Variants in CREB3L1 observed in about 807,000 individuals in gnomAD.
CREB3L1 encodes the protein cAMP responsive element binding protein 3 like 1.
A neutral mutation model predicts 54.5 loss-of-function variants in CREB3L1; 33 were observed. The observed-to-expected ratio is 0.61, with a 90% CI of 0.46 to 0.81. CREB3L1 has a LOEUF of 0.81. Among genes scored for constraint, CREB3L1 ranks in the 30% least tolerant of loss-of-function variants. CREB3L1 has a pLI of 0.00. For synonymous variants in CREB3L1, 284 were observed against 286.4 expected (o/e 0.99, Z 0.08); for missense variants, 656 against 673.3 (o/e 0.97, Z 0.29).
chr11:46,317,454 C>T lies in CREB3L1; in HGVS notation c.1225C>T (p.Leu409=). 2 of 1,612,756 alleles carry T rather than the reference C, an allele frequency of 1.2e-6. No homozygotes were observed. Among genetic ancestry groups the T allele is most frequent in the Non-Finnish European group, 1.7e-6 (2 of 1,179,842 alleles). ...SGSQTVKEDP[L]AADGVYTASQ... Reference sequence around the variant, plus strand: ...CTCCCAGACTGTGAAGGAAGACCCCCTGGCCGCAGACGGCGTCTACACGGC... The same window carrying T: ...CTCCCAGACTGTGAAGGAAGACCCCTTGGCCGCAGACGGCGTCTACACGGC... Residue 409 remains leucine, a synonymous_variant, in exon 10 of 12, where the codon CTG becomes TTG. Coordinates refer to ENST00000621158, the MANE Select transcript of CREB3L1 (RefSeq NM_052854.4).
rs899542624 is a variant in CREB3L1, at chr11:46,295,981, G to A, written c.103-3954G>A. On this transcript the variant is annotated intron_variant, in intron 1 of 11. Transcript: ENST00000621158. This position sits in a 1 kb window ranked among gnomAD's most constrained non-coding sequence, Gnocchi z 4.6. ...GACTATAGGAAAAAGTCTTTAACGAGGAGGGAAACAAATCATAATATGTCC... is the reference window on the plus strand; with the variant it reads ...GACTATAGGAAAAAGTCTTTAACGAAGAGGGAAACAAATCATAATATGTCC... 1.1e-4 allele frequency among the ~76,000 whole-genome samples: 16 copies of A among 152,222 alleles called. No individual in the cohort carries two copies. The highest frequency in any genetic ancestry group is 3.9e-4 in the Admixed American group (6 of 15,290).
chr11:46,312,991 T>A, intron 8 of CREB3L1, 72 bp downstream of exon 8: 1 of 1,161,314 alleles, frequency 8.6e-7, no homozygotes, highest in Non-Finnish European at 1.2e-6. Context: ...TGCATAGCTC[T>A]GGGAGACAGG....
Position 46,320,878 on chromosome 11 carries a change from C to T in CREB3L1, c.*132C>T. 2 of 958,600 alleles carry T rather than the reference C, an allele frequency of 2.1e-6. No individual in the cohort carries two copies. Among genetic ancestry groups the T allele is most frequent in the Non-Finnish European group, 3.3e-6 (2 of 607,138 alleles). 59.4% of individuals were successfully genotyped at this position (958,600 alleles called of 1,614,324 possible). A position where few individuals can be genotyped will look rare whatever the true frequency, so the allele number is the denominator to read the frequency against. ...TTCCAGGAGAAAAGGCTCCACTTCC[C>T]AGCCCTTCCTTGCCCCTGACATTTG... is the stretch of plus-strand genomic sequence containing the variant. On this transcript the variant is annotated 3_prime_UTR_variant, in exon 12 of 12. Coordinates refer to ENST00000621158, the MANE Select transcript of CREB3L1 (RefSeq NM_052854.4).
intron 1 of CREB3L1, among the ~76,000 whole-genome samples, chr11:46,292,055 TTC>T (rs1939138348): frequency 6.6e-6 from 1 of 152,140 alleles, no homozygotes; most frequent in Non-Finnish European, 1.5e-5. Flanking sequence ...GGCCACTGTG[TTC>T]TGTTTATACC....
chr11:46,286,225 G>A (rs947514773), intron 1 of CREB3L1, among the ~76,000 whole-genome samples: 4 of 152,162 alleles, frequency 2.6e-5, no homozygotes, highest in African/African-American at 4.8e-5. Context: ...GGGTGGGGAC[G>A]ATAGAGGAAT....
At chr11:46,281,681 C>T (rs1430603794) in intron 1 of CREB3L1, among the ~76,000 whole-genome samples, 1 of 152,190 alleles carries the variant, frequency 6.6e-6, no homozygotes, top group African/African-American at 2.4e-5. Context: ...CCTGGCTTCT[C>T]CTGAGCTAAC....
At chr11:46,289,805 A>C (rs955125509) in intron 1 of CREB3L1, among the ~76,000 whole-genome samples, 2 of 152,176 alleles carry the variant, frequency 1.3e-5, no homozygotes, top group Admixed American at 1.3e-4. Flanking sequence ...ACAGTCCTTG[A>C]GTATCATGCT....
intron 10 of CREB3L1, 139 bp downstream of exon 10, chr11:46,317,626 G>A: frequency 9.3e-7 from 1 of 1,076,122 alleles, no homozygotes; most frequent in Non-Finnish European, 1.3e-6. Flanking sequence ...TTTCCAGATG[G>A]GGAAACCGAG....
chr11:46,298,415 T>C (rs1014454679), intron 1 of CREB3L1, among the ~76,000 whole-genome samples: 2 of 152,214 alleles, frequency 1.3e-5, no homozygotes, highest in African/African-American at 4.8e-5. Flanking sequence ...AAACATTTAT[T>C]GGACAGGCAC....
At position 46,320,409 on chromosome 11, in the gene CREB3L1, G is replaced by A; in HGVS notation, c.1404G>A (p.Gln468=). Residue 468 remains glutamine (Q), a synonymous_variant, in exon 11 of 12, where the codon CAG becomes CAA. Transcript: ENST00000621158. ...AGCAGCGGCCCCGGGACCACCTGCAGCATGATCACCTGGACAGCACCCACG... is the reference window on the plus strand; with the variant it reads ...AGCAGCGGCCCCGGGACCACCTGCAACATGATCACCTGGACAGCACCCACG... ...PAEQRPRDHL[Q]HDHLDSTHET... 1 of 1,611,328 alleles carries A rather than the reference G, an allele frequency of 6.2e-7. No homozygotes were observed. Among genetic ancestry groups the A allele is most frequent in the Middle Eastern group, 1.6e-4 (1 of 6,062 alleles).
intron 10 of CREB3L1, 143 bp from the exon 11 acceptor site, chr11:46,320,121 G>T: frequency 1.1e-6 from 1 of 917,124 alleles, no homozygotes; most frequent in Non-Finnish European, 1.6e-6. Context: ...CAAAGTGTGT[G>T]GCTTACCTGA....
chr11:46,286,565 G>A (rs1939057162), intron 1 of CREB3L1, among the ~76,000 whole-genome samples: 1 of 152,188 alleles, frequency 6.6e-6, no homozygotes, highest in Non-Finnish European at 1.5e-5. Flanking sequence ...TTGGGAGGCT[G>A]AGGCGGGTCA....
At chr11:46,300,251 G>T in intron 2 of CREB3L1, 88 bp downstream of exon 2, 2 of 1,021,820 alleles carry the variant, frequency 2.0e-6, no homozygotes, top group East Asian at 2.6e-5. Flanking sequence ...TGTGCCTGCA[G>T]CCTGAGACTC....
chr11:46,302,190 A>G (rs1939313947), intron 2 of CREB3L1, among the ~76,000 whole-genome samples: 1 of 147,518 alleles, frequency 6.8e-6, no homozygotes, highest in Non-Finnish European at 1.5e-5. Context: ...TAATAATAAT[A>G]ATAATAATAA....
chr11:46,284,129 C>G (rs1206563970), intron 1 of CREB3L1, among the ~76,000 whole-genome samples: 1 of 152,160 alleles, frequency 6.6e-6, no homozygotes, highest in Non-Finnish European at 1.5e-5. Context: ...TATGCTGGTG[C>G]CAGGGTAACC....
chr11:46,307,810 C>T lies in CREB3L1; in HGVS notation c.332-6C>T. 6.4e-7 allele frequency: 1 copy of T among 1,554,020 alleles called. No individual in the cohort carries two copies. The highest frequency in any genetic ancestry group is 1.4e-5 in the African/African-American group (1 of 73,124). ...AGAGTCCCCTGAGCCTTTCCCCTTC[C>T]CCTAGATGCAGAGCATGGAGCATGG... On this transcript the variant is annotated splice_region_variant and splice_polypyrimidine_tract_variant and intron_variant, in intron 2 of 11. Coordinates refer to ENST00000621158, the MANE Select transcript of CREB3L1 (RefSeq NM_052854.4).
chr11:46,305,462 G>C (rs1004594796), intron 2 of CREB3L1, among the ~76,000 whole-genome samples: 1 of 151,672 alleles, frequency 6.6e-6, no homozygotes, highest in Non-Finnish European at 1.5e-5. Context: ...CCTTTGCTCA[G>C]GCCTCCCCTT....
chr11:46,278,069 G>C lies in CREB3L1; in HGVS notation c.-43G>C. ...GGACTGGGCGCGCCGCCGCCCTGGA[G>C]TGAGGGAAGCCCAGTGGAAGGGGGT... On this transcript the variant is annotated 5_prime_UTR_variant, in exon 1 of 12. Transcript: ENST00000621158. The surrounding 1 kb of genome is among the most constrained non-coding windows in gnomAD (Gnocchi z 4.2). The C allele has an allele frequency of 7.6e-7, 1 of 1,321,420 alleles. No individual in the cohort carries two copies. Among genetic ancestry groups the C allele is most frequent in the South Asian group, 1.3e-5 (1 of 77,638 alleles). 81.9% of individuals were successfully genotyped at this position (1,321,420 alleles called of 1,614,324 possible). A position where few individuals can be genotyped will look rare whatever the true frequency, so the allele number is the denominator to read the frequency against.
intron 10 of CREB3L1, 30 bp from the exon 11 acceptor site, chr11:46,320,234 C>A: frequency 6.5e-7 from 1 of 1,549,530 alleles, no homozygotes; most frequent in Non-Finnish European, 8.7e-7. Flanking sequence ...GAATCTTGGG[C>A]ACACCGCTCA....
Sources: allele counts gnomAD v4.1 joint callset (sites outside exome capture counted in the v4.1 genomes callset), GRCh38; gene constraint gnomAD v4.1.1; non-coding constraint Gnocchi (gnomAD v3.1); transcripts MANE v1.5; gene names NCBI Gene and HGNC (gene_info 2026-07-23, HGNC 2026-07-21).